The following ZNF282 variants were observed in gnomAD, a reference collection of about 807,000 sequenced individuals.
The protein encoded by ZNF282 is HTLV-I U5 repressive element-binding protein 1.
A neutral mutation model predicts 61.9 loss-of-function variants in ZNF282; 30 were observed. That is an observed-to-expected ratio of 0.48 (90% CI 0.36 to 0.66). The LOEUF (loss-of-function observed/expected upper bound fraction) is 0.66, where lower values mean the gene tolerates loss of function less well. ZNF282 is among the 30% of genes least tolerant of loss of function. The pLI, the probability that ZNF282 is intolerant of heterozygous loss-of-function variation, is 0.00. For missense variants in ZNF282, 788 were observed against 941.4 expected, an observed-to-expected ratio of 0.84 and a Z score of 2.13; for synonymous variants, 396 against 405.0, an observed-to-expected ratio of 0.98 and a Z score of 0.27.
rs138579798 is a variant in ZNF282 at position 149,198,353 on chromosome 7, C to T, written c.186C>T (p.Asp62=). ...PPMQAQEWDM[D]ARRPMPFQFP... ...TACAGGCTCAAGAATGGGACATGGA[C>T]GCCCGGCGGCCAATGCCTTTTCAGT... The change falls in exon 2 of 8, where the codon GAC becomes GAT. Residue 62 remains aspartate (D), a synonymous_variant. Coordinates refer to ENST00000610704, the MANE Select transcript of ZNF282 (RefSeq NM_003575.4). This position sits in a 1 kb window ranked among gnomAD's most constrained non-coding sequence, Gnocchi z 4.3. 1.9e-5 allele frequency: 31 copies of T among 1,610,418 alleles called. No individual in the cohort carries two copies. Among genetic ancestry groups the T allele is most frequent in the East Asian group, 1.6e-4 (7 of 44,850 alleles).
chr7:149,206,636 A>T, intron 2 of ZNF282, 60 bp from the exon 3 acceptor site: 1 of 1,606,806 alleles, frequency 6.2e-7, no homozygotes, highest in African/African-American at 1.3e-5. Context: ...CCCGCAGGAG[A>T]AGGGGAGGTG....
At chr7:149,208,059 C>T (rs985094976) in intron 4 of ZNF282, among the ~76,000 whole-genome samples, 1 of 152,212 alleles carries the variant, frequency 6.6e-6, no homozygotes, top group African/African-American at 2.4e-5. Context: ...CTGCCTCTGC[C>T]TTGGAAATCT....
Position 149,206,689 on chromosome 7 carries a change from G to A in ZNF282, c.586-7G>A. On this transcript the variant is annotated splice_polypyrimidine_tract_variant and splice_region_variant and intron_variant, in intron 2 of 7. Transcript: ENST00000610704. ...GGAGGCGCTAGATTAACCGCTTGTT[G>A]GCTTAGGTTCCAGTGACTTTTGTCG... The A allele has an allele frequency of 1.2e-6, 2 of 1,614,134 alleles. No homozygotes were observed. Among genetic ancestry groups the A allele is most frequent in the Non-Finnish European group, 1.7e-6 (2 of 1,180,008 alleles).
rs11547158 is a variant in ZNF282 at position 149,224,640 on chromosome 7, G to A, written c.2009G>A (p.Arg670Gln). 185,057 of 1,520,606 alleles carry A rather than the reference G, an allele frequency of 0.12. 12,379 individuals are homozygous for A. The highest frequency in any genetic ancestry group is 0.14 in the Non-Finnish European group (155,890 of 1,137,738). 94.2% of individuals were successfully genotyped at this position (1,520,606 alleles called of 1,614,324 possible). A position where few individuals can be genotyped will look rare whatever the true frequency, so the allele number is the denominator to read the frequency against. Reference protein sequence around the residue: ...APRQLPPPPERD With the variant: ...APRQLPPPPEQD The stretch of plus-strand genomic sequence containing the variant: ...CGGCAGCTCCCGCCGCCTCCTGAGC[G>A]AGACTAGGGCTGGGCTGGGGGAGGG... Residue 670 changes from arginine to glutamine, a missense_variant, in exon 8 of 8, where the codon CGA becomes CAA. Physicochemically the swap from Arg to Gln is conservative, Grantham distance 43 (BLOSUM62 1). Around this residue, in one of 3 missense-constraint regions of ZNF282, gnomAD observed 559 missense variants for 642.0 expected, o/e 0.87. Coordinates refer to ENST00000610704, the MANE Select transcript of ZNF282 (RefSeq NM_003575.4).
At chr7:149,195,805 C>T in intron 1 of ZNF282, 51 bp downstream of exon 1, 1 of 1,375,684 alleles carries the variant, frequency 7.3e-7, no homozygotes, top group Non-Finnish European at 9.4e-7. Flanking sequence ...GGGCGGGGCG[C>T]GGGCTGGGCC....
chr7:149,223,696 T>C, intron 7 of ZNF282, 116 bp from the exon 8 acceptor site: 1 of 1,159,450 alleles, frequency 8.6e-7, no homozygotes, highest in Non-Finnish European at 1.1e-6. Context: ...GTGCAATCCC[T>C]CGTAGTTAGT....
Position 149,195,767 on chromosome 7 carries a change from C to T in ZNF282, c.165+13C>T, listed in dbSNP as rs1795805290. The T allele has an allele frequency of 6.7e-7, 1 of 1,483,502 alleles. No homozygotes were observed. Among genetic ancestry groups the T allele is most frequent in the Non-Finnish European group, 8.9e-7 (1 of 1,120,602 alleles). 91.9% of individuals were successfully genotyped at this position (1,483,502 alleles called of 1,614,324 possible). On this transcript the variant is annotated intron_variant, in intron 1 of 7. Coordinates refer to ENST00000610704, the MANE Select transcript of ZNF282 (RefSeq NM_003575.4). ...GCCGCCCATGCAGGTGGGAGAACCC[C>T]GCCGGCGCCATGGCCGCGCTGCCGT...
intron 7 of ZNF282, among the ~76,000 whole-genome samples, chr7:149,215,620 G>T (rs1796151101): frequency 6.6e-6 from 1 of 152,210 alleles, no homozygotes; most frequent in Non-Finnish European, 1.5e-5. Flanking sequence ...AGACAACTTA[G>T]TTCTAGAAGA....
Position 149,207,439 on chromosome 7 carries a change from A to G in ZNF282, c.801A>G (p.Glu267=). ...EPCVWEQRHP[E]EREIPMDPEA... ...GTGTGTGGGAGCAGCGCCACCCCGA[A>G]GAGAGAGAAATCCCAATGGATCCCG... Residue 267 remains glutamate (E), a synonymous_variant, in exon 4 of 8, where the codon GAA becomes GAG. Coordinates refer to ENST00000610704, the MANE Select transcript of ZNF282 (RefSeq NM_003575.4). The G allele has an allele frequency of 6.4e-7, 1 of 1,564,146 alleles. No homozygotes were observed. The highest frequency in any genetic ancestry group is 8.7e-7 in the Non-Finnish European group (1 of 1,153,284).
At position 149,225,058 on chromosome 7, in the gene ZNF282, G is replaced by GGGTAACACCTTCATGAT; in HGVS notation, c.*413_*429dup. 4.6e-6 allele frequency: 1 copy of GGGTAACACCTTCATGAT among 217,416 alleles called. No homozygotes were observed. Among genetic ancestry groups the GGGTAACACCTTCATGAT allele is most frequent in the Non-Finnish European group, 9.2e-6 (1 of 108,842 alleles). 13.5% of individuals were successfully genotyped at this position (217,416 alleles called of 1,614,324 possible). ...AAGCGAAGGCCGAGGGATGTGCTAA[G>GGGTAACACCTTCATGAT]GGTAACACCTTCATGATGACAACAC... On this transcript the variant is annotated 3_prime_UTR_variant, in exon 8 of 8. Transcript: ENST00000610704.
At chr7:149,213,028 G>T (rs1233713157) in intron 6 of ZNF282, among the ~76,000 whole-genome samples, 5 of 152,180 alleles carry the variant, frequency 3.3e-5, no homozygotes, top group South Asian at 4.1e-4. Flanking sequence ...TGTAGGGAGG[G>T]TCTAGGCATT....
chr7:149,200,412 C>T (rs945501523), intron 2 of ZNF282, among the ~76,000 whole-genome samples: 2 of 152,134 alleles, frequency 1.3e-5, no homozygotes, highest in Middle Eastern at 3.2e-3. Context: ...GCTTCTGGGA[C>T]ACCTCTCTCT....
chr7:149,213,080 G>A (rs753197799), intron 6 of ZNF282, among the ~76,000 whole-genome samples: 9 of 152,138 alleles, frequency 5.9e-5, no homozygotes, highest in Non-Finnish European at 8.8e-5. Context: ...ACCTGCCCAC[G>A]ACCTATGTGT....
chr7:149,199,691 C>T (rs1331149427), intron 2 of ZNF282, among the ~76,000 whole-genome samples: 1 of 152,032 alleles, frequency 6.6e-6, no homozygotes, highest in Non-Finnish European at 1.5e-5. Context: ...ATAGAATATT[C>T]AAATAAAAAT....
intron 7 of ZNF282, among the ~76,000 whole-genome samples, chr7:149,220,924 T>TG (rs1554471500): frequency 1.2e-5 from 1 of 85,882 alleles, no homozygotes; most frequent in Non-Finnish European, 2.7e-5. Flanking sequence ...AGGGTTTTTT[T>TG]TTTTTTTTTT....
At chr7:149,197,496 G>A (rs778027621) in intron 1 of ZNF282, among the ~76,000 whole-genome samples, 27 of 152,154 alleles carry the variant, frequency 1.8e-4, no homozygotes, top group African/African-American at 5.6e-4. Flanking sequence ...GTTCCGAGAC[G>A]GAGTCTTGCT....
chr7:149,220,270 G>A (rs771872249), intron 7 of ZNF282, among the ~76,000 whole-genome samples: 12 of 152,044 alleles, frequency 7.9e-5, no homozygotes, highest in African/African-American at 1.9e-4. Context: ...TTAGCCTGGC[G>A]TAGTCGTGGT....
rs752780037 is a variant in ZNF282, at chr7:149,198,423, A to G, written c.256A>G (p.Met86Val). Residue 86 changes from methionine (M) to valine (V), a missense_variant, in exon 2 of 8, where the codon ATG (methionine) becomes GTG (valine). By Grantham distance (21) the Met-to-Val change is conservative. Transcript: ENST00000610704. This position sits in a 1 kb window ranked among gnomAD's most constrained non-coding sequence, Gnocchi z 4.3. ...GGCACCTGTCTTCCCCGACCGCATG[A>G]TGCGAGAGCCCCAGTTGCCCACAGC... Reference protein sequence around the residue: ...DRAPVFPDRMMREPQLPTAEI... With the variant: ...DRAPVFPDRMVREPQLPTAEI... 7 of 1,614,162 alleles carry G rather than the reference A, an allele frequency of 4.3e-6. No individual in the cohort carries two copies. Among genetic ancestry groups the G allele is most frequent in the Non-Finnish European group, 5.9e-6 (7 of 1,180,024 alleles).
intron 2 of ZNF282, among the ~76,000 whole-genome samples, chr7:149,200,245 G>A (rs1047965054): frequency 1.3e-5 from 2 of 152,136 alleles, no homozygotes; most frequent in Non-Finnish European, 2.9e-5. Flanking sequence ...ATTGGTAACT[G>A]GATCTTTCTC....
Sources: gnomAD v4.1 joint callset for allele counts (sites outside exome capture counted in the v4.1 genomes callset) on GRCh38, gnomAD v4.1.1 for gene constraint, gnomAD v4.1.1 regional missense constraint, Gnocchi (gnomAD v3.1) non-coding constraint, MANE v1.5 for transcripts, NCBI Gene and HGNC (gene_info 2026-07-23, HGNC 2026-07-21) for gene names.